Variants in CLASP2 observed in about 807,000 individuals in gnomAD.
The protein encoded by CLASP2 is cytoplasmic linker associated protein 2.
In CLASP2, 47 loss-of-function variants were observed where a neutral mutation model predicts 194.4. That is an observed-to-expected ratio of 0.24 (90% CI 0.19 to 0.31). The LOEUF is 0.31. CLASP2 is among the 10% of genes least tolerant of loss of function. The pLI, the probability that CLASP2 is intolerant of heterozygous loss-of-function variation, is 1.00. For synonymous variants in CLASP2, 619 were observed against 633.5 expected, an observed-to-expected ratio of 0.98 and a Z score of 0.34; for missense variants, 1,445 against 1,823.6, an observed-to-expected ratio of 0.79 and a Z score of 3.78.
At chr3:33,545,570 T>C (rs1021434626) in intron 30 of CLASP2, among the ~76,000 whole-genome samples, 6 of 152,108 alleles carry the variant, frequency 3.9e-5, no homozygotes, top group African/African-American at 1.4e-4. Flanking sequence ...ATGATACAGC[T>C]CTCAATGTAG....
intron 6 of CLASP2, among the ~76,000 whole-genome samples, chr3:33,680,239 G>T (rs975940746): frequency 3.3e-5 from 5 of 152,184 alleles, no homozygotes; most frequent in African/African-American, 1.2e-4. Flanking sequence ...GATTTTTAAG[G>T]CAGTAAAACT....
intron 7 of CLASP2, chr3:33,659,450 CTGATGGAT>C: frequency 1.0e-6 from 1 of 976,720 alleles, no homozygotes; most frequent in Non-Finnish European, 1.2e-6. Context: ...ATCACATGAT[CTGATGGAT>C]TAACTGATTT....
At chr3:33,671,812 T>C (rs932498209) in intron 6 of CLASP2, among the ~76,000 whole-genome samples, 1 of 151,504 alleles carries the variant, frequency 6.6e-6, no homozygotes, top group Non-Finnish European at 1.5e-5. Context: ...GCTCGGAGGG[T>C]CCTACGCCCA....
intron 23 of CLASP2, chr3:33,577,237 C>G: frequency 6.3e-7 from 1 of 1,597,976 alleles, no homozygotes. Context: ...GTAGAGGGCA[C>G]CAGTTGATCT....
rs1313375624 is a variant in CLASP2, at chr3:33,603,101, C to G, written c.1775G>C (p.Ser592Thr). 1.3e-6 allele frequency: 2 copies of G among 1,583,346 alleles called. No individual in the cohort carries two copies. Among genetic ancestry groups the G allele is most frequent in the African/African-American group, 2.7e-5 (2 of 74,316 alleles). The change falls in exon 18 of 39, where the codon AGT becomes ACT. Residue 592 changes from serine (S) to threonine (T), a missense_variant. Ser to Thr is a moderately conservative substitution (Grantham distance 58). Transcript: ENST00000682230. ...ACGCTGCAGGCTTCCTGGAAGGGAA[C>G]TGGCTTTGCTGCTGCCTGCTGATAC... is the stretch of plus-strand genomic sequence containing the variant. ...GRVSAGSSKA[S>T]SLPGSLQRSR...
At chr3:33,664,728 G>C (rs1303767112) in intron 6 of CLASP2, among the ~76,000 whole-genome samples, 1 of 152,130 alleles carries the variant, frequency 6.6e-6, no homozygotes, top group East Asian at 1.9e-4. Context: ...CTGGAGGGTT[G>C]AACAGACACC....
At chr3:33,514,715 T>A in intron 36 of CLASP2, 1 of 351,768 alleles carries the variant, frequency 2.8e-6, no homozygotes, top group African/African-American at 2.1e-5. Flanking sequence ...AAAAAGATAC[T>A]TGCACACAGG....
intron 7 of CLASP2, among the ~76,000 whole-genome samples, chr3:33,657,186 T>C (rs1198061884): frequency 6.6e-6 from 1 of 152,158 alleles, no homozygotes; most frequent in African/African-American, 2.4e-5. Context: ...TATGTTCATG[T>C]TTTATATGTT....
intron 12 of CLASP2, among the ~76,000 whole-genome samples, chr3:33,613,760 C>T (rs2075625908): frequency 6.6e-6 from 1 of 152,150 alleles, no homozygotes; most frequent in Non-Finnish European, 1.5e-5. Context: ...GAGGTAAAAC[C>T]CATGGAGATC....
At chr3:33,499,346 G>A (rs1418823000) in intron 38 of CLASP2, among the ~76,000 whole-genome samples, 2 of 140,538 alleles carry the variant, frequency 1.4e-5, no homozygotes, top group Non-Finnish European at 3.0e-5. Context: ...TCAGTCTAGG[G>A]CAGTTCTTTT....
intron 32 of CLASP2, among the ~76,000 whole-genome samples, chr3:33,543,002 C>G (rs553392375): frequency 4.5e-4 from 68 of 152,184 alleles, no homozygotes; most frequent in African/African-American, 1.6e-3. Flanking sequence ...TTTTCATTTG[C>G]TAAGTTTCTA....
chr3:33,703,518 C>G (rs1394368927), intron 1 of CLASP2, among the ~76,000 whole-genome samples: 2 of 152,202 alleles, frequency 1.3e-5, no homozygotes, highest in African/African-American at 4.8e-5. Context: ...CAAAACAGTA[C>G]AGTTATTTTG....
chr3:33,702,831 T>C (rs986424719), intron 1 of CLASP2, among the ~76,000 whole-genome samples: 1 of 152,080 alleles, frequency 6.6e-6, no homozygotes, highest in Admixed American at 6.6e-5. Context: ...TACAATCAAA[T>C]GATCTCTCAC....
chr3:33,554,316 C>T (rs1416993491), intron 29 of CLASP2, among the ~76,000 whole-genome samples: 1 of 151,414 alleles, frequency 6.6e-6, no homozygotes, highest in Non-Finnish European at 1.5e-5. Context: ...CAATGGAATA[C>T]TATTCAGCCT....
rs935406494 is a variant in CLASP2, at chr3:33,659,354, G to A, written c.715+4091C>T. 5 of 1,084,974 alleles carry A rather than the reference G, an allele frequency of 4.6e-6. No individual in the cohort carries two copies. The African/African-American group carries it at 6.6e-5, about 14-fold the overall frequency. 67.2% of individuals were successfully genotyped at this position (1,084,974 alleles called of 1,614,324 possible). On this transcript the variant is annotated intron_variant, in intron 7 of 38. Transcript: ENST00000682230. ...GCCAATAAATGCCATCCCGCTGGGG[G>A]ACTTTTAATGCAATCATCAAAACAC...
chr3:33,648,720 A>C (rs1421679082), intron 7 of CLASP2, among the ~76,000 whole-genome samples: 1 of 152,208 alleles, frequency 6.6e-6, no homozygotes, highest in Non-Finnish European at 1.5e-5. Flanking sequence ...ATGAAATATC[A>C]AAACAAGCCT....
chr3:33,572,964 A>C, intron 25 of CLASP2, 146 bp downstream of exon 25: 2 of 810,726 alleles, frequency 2.5e-6, no homozygotes, highest in Admixed American at 5.0e-5. Flanking sequence ...TAAAAGACTG[A>C]AGCTTTGGAA....
intron 32 of CLASP2, among the ~76,000 whole-genome samples, chr3:33,540,062 G>A (rs1184408338): frequency 1.3e-5 from 2 of 151,698 alleles, no homozygotes; most frequent in South Asian, 4.2e-4. Flanking sequence ...CCGAGTAGCT[G>A]GGATTACAGG....
intron 27 of CLASP2, chr3:33,564,072 G>A (rs1045561896): frequency 5.4e-6 from 2 of 371,652 alleles, no homozygotes; most frequent in South Asian, 4.1e-5. Flanking sequence ...ACTATTTATG[G>A]TGCTATTTAG....
Sources: gnomAD v4.1 joint callset for allele counts (sites outside exome capture counted in the v4.1 genomes callset) on GRCh38, gnomAD v4.1.1 for gene constraint, MANE v1.5 for transcripts, NCBI Gene and HGNC (gene_info 2026-07-23, HGNC 2026-07-21) for gene names.